The following C10orf90 variants were observed in gnomAD, a reference collection of about 807,000 sequenced individuals.
The protein encoded by C10orf90 is (E2-independent) E3 ubiquitin-conjugating enzyme FATS.
Under a neutral mutation model 62.5 loss-of-function variants are expected in C10orf90, and 56 were observed. The ratio of observed to expected loss-of-function variants is 0.90; its 90% CI spans 0.72 to 1.12. The LOEUF is 1.12. Among genes scored for constraint, C10orf90 ranks in the 50% most tolerant of loss-of-function variants. The probability of loss-of-function intolerance (pLI) is 0.00; values close to 1 mark genes in which losing one functional copy is unlikely to be tolerated. For synonymous variants in C10orf90, 386 were observed against 340.4 expected (o/e 1.13, Z -1.47); for missense variants, 970 against 880.4 (o/e 1.10, Z -1.29).
intron 2 of C10orf90, among the ~76,000 whole-genome samples, chr10:126,577,551 T>C (rs1172930419): frequency 6.6e-6 from 1 of 152,088 alleles, no homozygotes; most frequent in Non-Finnish European, 1.5e-5. Flanking sequence ...GAATATACCA[T>C]GTTCATGGAT....
intron 1 of C10orf90, among the ~76,000 whole-genome samples, chr10:126,648,818 T>C (rs1846221648): frequency 6.6e-6 from 1 of 152,184 alleles, no homozygotes; most frequent in South Asian, 2.1e-4. Flanking sequence ...TGTGGTTCTT[T>C]TAAGAAAGAT....
At chr10:126,576,659 G>GGAATCAACCTGGGCA (rs1844617540) in intron 2 of C10orf90, among the ~76,000 whole-genome samples, 3 of 95,756 alleles carry the variant, frequency 3.1e-5, no homozygotes, top group Non-Finnish European at 6.4e-5. Flanking sequence ...GCCAAGATAT[G>GGAATCAACCTGGGCA]TATACATATA....
intron 1 of C10orf90, among the ~76,000 whole-genome samples, chr10:126,669,689 C>T (rs1846706165): frequency 3.1e-5 from 4 of 130,970 alleles, no homozygotes; most frequent in African/African-American, 1.1e-4. Flanking sequence ...CTCCAAAGTT[C>T]TCTCACTCTC....
intron 7 of C10orf90, among the ~76,000 whole-genome samples, chr10:126,447,609 G>T (rs531955699): frequency 6.6e-6 from 1 of 152,198 alleles, no homozygotes; most frequent in African/African-American, 2.4e-5. Flanking sequence ...CTCACTTTCA[G>T]CAATGAACAG....
At chr10:126,659,299 T>A (rs919726759) in intron 1 of C10orf90, among the ~76,000 whole-genome samples, 2 of 152,142 alleles carry the variant, frequency 1.3e-5, no homozygotes, top group African/African-American at 4.8e-5. Flanking sequence ...GTTGAGTGCA[T>A]TTGTGGCTAA....
At chr10:126,586,850 C>A (rs553720556) in intron 2 of C10orf90, among the ~76,000 whole-genome samples, 4 of 152,130 alleles carry the variant, frequency 2.6e-5, no homozygotes, top group Non-Finnish European at 2.9e-5. Context: ...CTCCACTGCT[C>A]CCCGCACCCC....
intron 3 of C10orf90, among the ~76,000 whole-genome samples, 180 bp from the exon 4 acceptor site, chr10:126,505,265 T>G (rs540040733): frequency 6.6e-6 from 1 of 152,200 alleles, no homozygotes; most frequent in African/African-American, 2.4e-5. Context: ...GAAAACTAGA[T>G]GTTTATGACA....
chr10:126,506,382 G>A (rs1051081453), intron 3 of C10orf90, among the ~76,000 whole-genome samples: 3 of 152,334 alleles, frequency 2.0e-5, no homozygotes, highest in African/African-American at 7.2e-5. Flanking sequence ...GTTCATTATG[G>A]AACATGCTTA....
intron 4 of C10orf90, among the ~76,000 whole-genome samples, chr10:126,466,890 CTT>C (rs1860317915): frequency 6.6e-6 from 1 of 152,140 alleles, no homozygotes; most frequent in African/African-American, 2.4e-5. Context: ...TGTTTCCAAA[CTT>C]TTATTTCAAA....
intron 4 of C10orf90, among the ~76,000 whole-genome samples, chr10:126,494,769 C>T (rs962721197): frequency 3.3e-5 from 5 of 152,230 alleles, no homozygotes; most frequent in Non-Finnish European, 5.9e-5. Flanking sequence ...GTATGACTTT[C>T]GCGGTTCCTA....
At chr10:126,628,400 G>GATAGATGAATGGATAA (rs952006625) in intron 2 of C10orf90, among the ~76,000 whole-genome samples, 1 of 152,182 alleles carries the variant, frequency 6.6e-6, no homozygotes, top group Non-Finnish European at 1.5e-5. Flanking sequence ...TGGATGGATG[G>GATAGATGAATGGATAA]ATAGACGAAT....
rs368871600 is a variant in C10orf90, at chr10:126,425,808, C to A, written c.*56G>T. ...GATAATGCTAAGTTTAATGGCTTAT[C>A]CAGCATTCGAAGTCCTCCCAGGTCC... is the stretch of plus-strand genomic sequence containing the variant. On this transcript the variant is annotated 3_prime_UTR_variant, in exon 10 of 10. Coordinates refer to ENST00000488181, the MANE Select transcript of C10orf90 (RefSeq NM_001350921.2). 1 of 1,544,022 alleles carries A rather than the reference C, an allele frequency of 6.5e-7. No individual in the cohort carries two copies. Among genetic ancestry groups the A allele is most frequent in the African/African-American group, 1.4e-5 (1 of 72,456 alleles).
intron 2 of C10orf90, among the ~76,000 whole-genome samples, chr10:126,642,526 C>A (rs1469890687): frequency 1.3e-5 from 2 of 151,560 alleles, no homozygotes; most frequent in East Asian, 1.9e-4. Flanking sequence ...AGCGAGACTC[C>A]ATCTCAAAAA....
intron 4 of C10orf90, among the ~76,000 whole-genome samples, chr10:126,488,333 G>A (rs1458048698): frequency 6.6e-6 from 1 of 152,046 alleles, no homozygotes; most frequent in African/African-American, 2.4e-5. Context: ...AAAATATTTT[G>A]AGATGAATAA....
chr10:126,486,915 G>T (rs541700349), intron 4 of C10orf90, among the ~76,000 whole-genome samples: 1 of 152,032 alleles, frequency 6.6e-6, no homozygotes, highest in South Asian at 2.1e-4. Flanking sequence ...GGCCAAGGGG[G>T]GTGGATCACC....
chr10:126,446,066 G>A (rs77506539), intron 7 of C10orf90, among the ~76,000 whole-genome samples: 2,333 of 151,942 alleles, frequency 0.015, 62 homozygotes, highest in African/African-American at 0.053. Flanking sequence ...TATACTGCTC[G>A]AGTGATGGGT....
intron 2 of C10orf90, among the ~76,000 whole-genome samples, chr10:126,550,064 T>C (rs1591089320): frequency 6.6e-6 from 1 of 151,534 alleles, no homozygotes; most frequent in Non-Finnish European, 1.5e-5. Flanking sequence ...CAAGCAATTC[T>C]CCTGCCTCAG....
intron 1 of C10orf90, among the ~76,000 whole-genome samples, chr10:126,666,602 A>G (rs1846631835): frequency 6.6e-6 from 1 of 152,126 alleles, no homozygotes; most frequent in South Asian, 2.1e-4. Flanking sequence ...CTTGTTTGTC[A>G]TTGCCAATGC....
chr10:126,637,767 AG>A (rs1173977498), intron 2 of C10orf90, among the ~76,000 whole-genome samples: 1 of 152,220 alleles, frequency 6.6e-6, no homozygotes, highest in African/African-American at 2.4e-5. Context: ...TGCAGGACCC[AG>A]GGCCTCGGGG....
Sources: allele counts gnomAD v4.1 joint callset (sites outside exome capture counted in the v4.1 genomes callset), GRCh38; gene constraint gnomAD v4.1.1; transcripts MANE v1.5; gene names NCBI Gene and HGNC (gene_info 2026-07-23, HGNC 2026-07-21).